Variants in THEMIS2 observed in about 807,000 individuals in gnomAD.
The protein encoded by THEMIS2 is protein THEMIS2.
A neutral mutation model predicts 46.8 loss-of-function variants in THEMIS2; 29 were observed. The observed-to-expected ratio is 0.62, with a 90% confidence interval of 0.46 to 0.84. The LOEUF (loss-of-function observed/expected upper bound fraction) is 0.84. Ranked by LOEUF, THEMIS2 falls within the 40% of genes least tolerant of loss-of-function variation. The pLI is 0.00. For synonymous variants in THEMIS2, 335 were observed against 349.1 expected (o/e 0.96, Z 0.45); for missense variants, 698 against 834.7 (o/e 0.84, Z 2.02).
At chr1:27,881,465 A>C (rs1246648520) in intron 3 of THEMIS2, among the ~76,000 whole-genome samples, 1 of 151,578 alleles carries the variant, frequency 6.6e-6, no homozygotes, top group African/African-American at 2.4e-5. Flanking sequence ...AAAAAAAAGA[A>C]GGTTGAAGGG....
chr1:27,879,748 A>T lies in THEMIS2; in HGVS notation c.340A>T (p.Thr114Ser), dbSNP rs759861782. ...SKQLPTCFMS[T>S]HRIVTEGRVV... ...GCAGCTGCCCACTTGCTTCATGTCG[A>T]CCCACAGGATTGTCACAGAGGGCAG... Residue 114 changes from threonine to serine, a missense_variant, in exon 3 of 6, where the codon ACC (threonine) becomes TCC (serine). Coordinates refer to ENST00000373921, the MANE Select transcript of THEMIS2 (RefSeq NM_001105556.3). 1.2e-6 allele frequency: 2 copies of T among 1,613,998 alleles called. No homozygotes were observed. The highest frequency in any genetic ancestry group is 1.7e-6 in the Non-Finnish European group (2 of 1,179,972).
chr1:27,881,936 G>C (rs1455983340), intron 3 of THEMIS2, 35 bp from the exon 4 acceptor site: 8 of 1,548,724 alleles, frequency 5.2e-6, no homozygotes, highest in African/African-American at 1.4e-5. Context: ...CTCCTGGGGT[G>C]GCATGCAGTG....
chr1:27,882,503 G>C lies in THEMIS2; in HGVS notation c.1179G>C (p.Leu393Phe), dbSNP rs1257468603. 1 of 1,613,550 alleles carries C rather than the reference G, an allele frequency of 6.2e-7. No individual in the cohort carries two copies. The highest frequency in any genetic ancestry group is 1.1e-5 in the South Asian group (1 of 91,062). ...CCCAGGGCAGTGACGTGGATGTCTT[G>C]GTTTGTCAGCGGCTGAGTGACCAGG... ...HGAQGSDVDV[L>F]VCQRLSDQAG... The change falls in exon 4 of 6, where the codon TTG becomes TTC. Residue 393 changes from leucine to phenylalanine, a missense_variant. Coordinates refer to ENST00000373921, the MANE Select transcript of THEMIS2 (RefSeq NM_001105556.3). The surrounding 1 kb of genome is among the most constrained non-coding windows in gnomAD (Gnocchi z 7.6).
chr1:27,875,514 G>A (rs74628087), intron 1 of THEMIS2, among the ~76,000 whole-genome samples: 4,448 of 152,140 alleles, frequency 0.029, 78 homozygotes, highest in Non-Finnish European at 0.043. Context: ...GTTTCTCAGG[G>A]CTGATGTTGG....
At chr1:27,875,030 G>A (rs546547283) in intron 1 of THEMIS2, among the ~76,000 whole-genome samples, 1 of 151,648 alleles carries the variant, frequency 6.6e-6, no homozygotes, top group South Asian at 2.1e-4. Flanking sequence ...CCAGGCTGGA[G>A]TGCAGTAGCC....
Position 27,886,006 on chromosome 1 carries a change from G to T in THEMIS2, c.*84G>T. On this transcript the variant is annotated 3_prime_UTR_variant, in exon 6 of 6. Transcript: ENST00000373921. ...CCATTTTAAGCCTCTAAAAGACCTC[G>T]GGCAAGTCTCACAGAAACTGAGCTG... is the stretch of plus-strand genomic sequence containing the variant. 7.3e-7 allele frequency: 1 copy of T among 1,370,278 alleles called. No homozygotes were observed. Among genetic ancestry groups the T allele is most frequent in the South Asian group, 1.2e-5 (1 of 84,802 alleles). 84.9% of individuals were successfully genotyped at this position (1,370,278 alleles called of 1,614,324 possible).
At chr1:27,879,565 C>A in intron 2 of THEMIS2, 79 bp from the exon 3 acceptor site, 1 of 1,310,734 alleles carries the variant, frequency 7.6e-7, no homozygotes, top group Non-Finnish European at 1.1e-6. Flanking sequence ...CAGGGCCAGA[C>A]TGGGGTCTGG....
intron 1 of THEMIS2, among the ~76,000 whole-genome samples, chr1:27,875,947 C>T (rs960765418): frequency 3.3e-5 from 5 of 152,026 alleles, no homozygotes; most frequent in Non-Finnish European, 4.4e-5. Flanking sequence ...CGTGATCCAC[C>T]CACCTTGGCC....
rs1310022643 is a variant in THEMIS2 at position 27,876,180 on chromosome 1, TCCCAAC to T, written c.95-407_95-402del. On this transcript the variant is annotated intron_variant, in intron 1 of 5. Transcript: ENST00000373921. Reference sequence around the variant, plus strand: ...ATTTTGTAGCTGTACACTAAGGGAATCCCAACTCCCTTAGTGTACAGCTACAAAATC... The same window carrying T: ...ATTTTGTAGCTGTACACTAAGGGAATTCCCTTAGTGTACAGCTACAAAATC... 9.4e-3 allele frequency among the ~76,000 whole-genome samples: 1,403 copies of T among 149,496 alleles called. 21 individuals carry two copies. The highest frequency in any genetic ancestry group is 0.032 in the African/African-American group (1,318 of 40,674).
chr1:27,879,253 G>A (rs748329473), intron 2 of THEMIS2, among the ~76,000 whole-genome samples: 1 of 152,136 alleles, frequency 6.6e-6, no homozygotes, highest in Non-Finnish European at 1.5e-5. Context: ...GGCAGGTTTT[G>A]GATGAGTGGG....
rs754092356 is a variant in THEMIS2 at position 27,885,857 on chromosome 1, T to C, written c.1877-10T>C. The C allele has an allele frequency of 6.2e-7, 1 of 1,613,992 alleles. No homozygotes were observed. Among genetic ancestry groups the C allele is most frequent in the Admixed American group, 1.7e-5 (1 of 60,022 alleles). On this transcript the variant is annotated splice_polypyrimidine_tract_variant and intron_variant, in intron 5 of 5. Transcript: ENST00000373921. ...GCTAAAGATCCTCATTGACTCGGACTCTTTTGCAGATGATGATGAACATGA... is the reference window on the plus strand; with the variant it reads ...GCTAAAGATCCTCATTGACTCGGACCCTTTTGCAGATGATGATGAACATGA...
At chr1:27,885,496 C>A in intron 5 of THEMIS2, 45 bp downstream of exon 5, 1 of 1,595,238 alleles carries the variant, frequency 6.3e-7, no homozygotes, top group Non-Finnish European at 8.5e-7. Flanking sequence ...TGTGTCTCCC[C>A]TCCCTACCTT....
chr1:27,873,252 C>A (rs2089519810), intron 1 of THEMIS2, among the ~76,000 whole-genome samples: 1 of 152,188 alleles, frequency 6.6e-6, no homozygotes, highest in South Asian at 2.1e-4. Flanking sequence ...CTGCCCGCAG[C>A]GGCCTGGTTC....
intron 4 of THEMIS2, 91 bp from the exon 5 acceptor site, chr1:27,885,203 AG>A: frequency 7.4e-7 from 1 of 1,353,236 alleles, no homozygotes; most frequent in Non-Finnish European, 1.0e-6. Flanking sequence ...AGAGAAGCAG[AG>A]GAAGTGACAC....
Position 27,886,409 on chromosome 1 carries a change from G to C in THEMIS2, c.*487G>C, listed in dbSNP as rs2089773605. 2.5e-5 allele frequency: 4 copies of C among 161,348 alleles called. No homozygotes were observed. The highest frequency in any genetic ancestry group is 9.6e-5 in the African/African-American group (4 of 41,562). 10.0% of individuals were successfully genotyped at this position (161,348 alleles called of 1,614,324 possible). The stretch of plus-strand genomic sequence containing the variant: ...CTGTAGCACCAAGCCTGATAGATCT[G>C]TATATGGTAAACAGGGGTTTAACCA... On this transcript the variant is annotated 3_prime_UTR_variant, in exon 6 of 6. Transcript: ENST00000373921.
chr1:27,875,212 C>T (rs1330186791), intron 1 of THEMIS2, among the ~76,000 whole-genome samples: 6 of 152,320 alleles, frequency 3.9e-5, no homozygotes, highest in African/African-American at 1.4e-4. Context: ...CTCCTGATCT[C>T]AGGTGATCCC....
Position 27,877,607 on chromosome 1 carries a change from A to T in THEMIS2, c.235+879A>T, listed in dbSNP as rs35042401. Reference sequence around the variant, plus strand: ...CTCCCAAAGTGCTGGGATTACAGGCATGAGCCACCATGCCCGGCCAGAGCT... The same window carrying T: ...CTCCCAAAGTGCTGGGATTACAGGCTTGAGCCACCATGCCCGGCCAGAGCT... On this transcript the variant is annotated intron_variant, in intron 2 of 5. Coordinates refer to ENST00000373921, the MANE Select transcript of THEMIS2 (RefSeq NM_001105556.3). Among the ~76,000 whole-genome samples, 7 of 152,112 alleles carry T rather than the reference A, an allele frequency of 4.6e-5. No individual in the cohort carries two copies. In the East Asian group the frequency reaches 9.8e-4, roughly 21 times the overall value.
chr1:27,878,280 G>C (rs565744516), intron 2 of THEMIS2, among the ~76,000 whole-genome samples: 30 of 151,534 alleles, frequency 2.0e-4, no homozygotes, highest in African/African-American at 7.3e-4. Flanking sequence ...CACCACCTGG[G>C]GGCTATGTGG....
At chr1:27,881,094 T>C (rs1032916632) in intron 3 of THEMIS2, among the ~76,000 whole-genome samples, 5 of 152,074 alleles carry the variant, frequency 3.3e-5, no homozygotes, top group African/African-American at 1.2e-4. Flanking sequence ...AATAATAATT[T>C]TAAAATTTAT....
Sources: gnomAD v4.1 joint callset for allele counts (sites outside exome capture counted in the v4.1 genomes callset) on GRCh38, gnomAD v4.1.1 for gene constraint, Gnocchi (gnomAD v3.1) non-coding constraint, MANE v1.5 for transcripts, NCBI Gene and HGNC (gene_info 2026-07-23, HGNC 2026-07-21) for gene names.